TEX26: variants seen among roughly 807,000 people sequenced by gnomAD.
The protein encoded by TEX26 is testis-expressed protein 26.
A neutral mutation model predicts 35.3 loss-of-function variants in TEX26; 34 were observed. The observed-to-expected ratio is 0.96, with a 90% CI of 0.73 to 1.28. TEX26 has a LOEUF of 1.28. Ranked by LOEUF, TEX26 falls within the 50% of genes most tolerant of loss-of-function variation. The pLI, the probability that TEX26 is intolerant of heterozygous loss-of-function variation, is 0.00. For synonymous variants in TEX26, 136 were observed against 111.8 expected, an observed-to-expected ratio of 1.22 and a Z score of -1.36; for missense variants, 371 against 330.1, an observed-to-expected ratio of 1.12 and a Z score of -0.96.
intron 1 of TEX26, among the ~76,000 whole-genome samples, chr13:30,935,607 G>A (rs4941921): frequency 0.22 from 32,893 of 152,174 alleles, 3,726 homozygotes; most frequent in East Asian, 0.44. Flanking sequence ...CTCGACTGCC[G>A]ACAGACAGGA....
intron 5 of TEX26, 34 bp downstream of exon 5, chr13:30,966,432 CTTTT>C (rs10523710): frequency 0.23 from 228,041 of 981,064 alleles, 4,949 homozygotes; most frequent in Admixed American, 0.27. Context: ...TTCTTTTTCT[CTTTT>C]TTTTTTTTTT....
At position 30,945,557 on chromosome 13, in the gene TEX26, T is replaced by C. The variant is rs375784090; in HGVS notation, c.146+5779T>C. On this transcript the variant is annotated intron_variant, in intron 2 of 6. Transcript: ENST00000380473. ...TTGTTTTATAGGTCCTTTCAAGAGG[T>C]TCTATTCTGGTGTATATTGACCTTT... is the stretch of plus-strand genomic sequence containing the variant. Among the ~76,000 whole-genome samples the C allele has an allele frequency of 3.3e-5, 5 of 151,962 alleles. No individual in the cohort carries two copies. The East Asian group carries it at 9.6e-4, about 29-fold the overall frequency.
intron 3 of TEX26, among the ~76,000 whole-genome samples, chr13:30,956,189 C>T (rs1327413156): frequency 4.6e-5 from 6 of 131,424 alleles, no homozygotes; most frequent in South Asian, 2.9e-4. Context: ...CAACAGGCCC[C>T]GGTGTGTGAT....
At chr13:30,958,577 A>C (rs1185694237) in intron 4 of TEX26, among the ~76,000 whole-genome samples, 2 of 152,124 alleles carry the variant, frequency 1.3e-5, no homozygotes, top group Non-Finnish European at 2.9e-5. Flanking sequence ...GGAGAATGAC[A>C]CATCTCTCAA....
At chr13:30,963,227 T>C (rs1954413725) in intron 4 of TEX26, among the ~76,000 whole-genome samples, 1 of 152,154 alleles carries the variant, frequency 6.6e-6, no homozygotes, top group Non-Finnish European at 1.5e-5. Context: ...GTTTCTTTCT[T>C]TGGGCTAAAC....
chr13:30,963,360 T>A (rs772586835), intron 4 of TEX26, among the ~76,000 whole-genome samples: 2 of 152,182 alleles, frequency 1.3e-5, no homozygotes, highest in Admixed American at 6.5e-5. Flanking sequence ...TTTTTGTCCA[T>A]ACTTTAGCAC....
chr13:30,966,151 A>T, intron 4 of TEX26, 71 bp from the exon 5 acceptor site: 4 of 1,542,876 alleles, frequency 2.6e-6, no homozygotes, highest in Non-Finnish European at 3.6e-6. Context: ...ACCTCTAAAC[A>T]CAGCAAGAGT....
chr13:30,935,180 C>T (rs1953225803), intron 1 of TEX26, among the ~76,000 whole-genome samples: 1 of 152,250 alleles, frequency 6.6e-6, no homozygotes, highest in Non-Finnish European at 1.5e-5. Context: ...ACTGCCTGGC[C>T]TCTCTCCACT....
chr13:30,956,206 C>T (rs1954122587), intron 3 of TEX26, among the ~76,000 whole-genome samples: 1 of 141,242 alleles, frequency 7.1e-6, no homozygotes, highest in African/African-American at 2.6e-5. Flanking sequence ...TGATGTTCCC[C>T]TTCCTGTGTC....
At chr13:30,970,367 G>A (rs918780007) in intron 6 of TEX26, among the ~76,000 whole-genome samples, 11 of 152,130 alleles carry the variant, frequency 7.2e-5, no homozygotes, top group African/African-American at 2.7e-4. Context: ...TTGAGATAAA[G>A]GAACATGGAG....
At chr13:30,959,618 GAATT>G (rs1396657260) in intron 4 of TEX26, among the ~76,000 whole-genome samples, 1 of 152,026 alleles carries the variant, frequency 6.6e-6, no homozygotes, top group African/African-American at 2.4e-5. Flanking sequence ...ATTTTTACCA[GAATT>G]AATTGTTTTT....
intron 4 of TEX26, among the ~76,000 whole-genome samples, chr13:30,958,311 C>G (rs1429278412): frequency 6.6e-6 from 1 of 152,222 alleles, no homozygotes; most frequent in Non-Finnish European, 1.5e-5. Context: ...AGGAAATTTA[C>G]TTTATTGAGA....
chr13:30,974,143 T>TAC lies in TEX26; in HGVS notation c.809-702_809-701insCA, dbSNP rs1176115657. Among the ~76,000 whole-genome samples the TAC allele has an allele frequency of 4.7e-4, 64 of 137,264 alleles. No individual in the cohort carries two copies. In the East Asian group the frequency reaches 0.012, roughly 26 times the overall value. 90.1% of individuals were successfully genotyped at this position (137,264 alleles called of 152,430 possible). The stretch of plus-strand genomic sequence containing the variant: ...CTAAAAAAAAAAAAATATATATATA[T>TAC]ATATATATATATAATTAGGAGTAAG... On this transcript the variant is annotated intron_variant, in intron 6 of 6. Transcript: ENST00000380473.
chr13:30,962,277 T>C (rs1161582279), intron 4 of TEX26, among the ~76,000 whole-genome samples: 3 of 152,206 alleles, frequency 2.0e-5, no homozygotes, highest in Admixed American at 2.0e-4. Flanking sequence ...ATGCCTTACA[T>C]GAGTCCTGTA....
intron 2 of TEX26, among the ~76,000 whole-genome samples, chr13:30,947,341 T>A (rs1417810356): frequency 6.6e-6 from 1 of 152,152 alleles, no homozygotes; most frequent in Non-Finnish European, 1.5e-5. Context: ...TTTTTCAATT[T>A]ATAGATTTTA....
intron 2 of TEX26, among the ~76,000 whole-genome samples, chr13:30,949,676 G>T (rs906196922): frequency 5.3e-5 from 8 of 151,846 alleles, no homozygotes; most frequent in Admixed American, 4.6e-4. Context: ...GCAATAAAAT[G>T]TGTAGCTAAA....
At chr13:30,963,612 TTA>T (rs1462430985) in intron 4 of TEX26, among the ~76,000 whole-genome samples, 1 of 152,172 alleles carries the variant, frequency 6.6e-6, no homozygotes, top group African/African-American at 2.4e-5. Flanking sequence ...TCCATAGCAG[TTA>T]TGTTTCCAGG....
At chr13:30,953,171 A>G (rs1023375597) in intron 3 of TEX26, among the ~76,000 whole-genome samples, 3 of 152,152 alleles carry the variant, frequency 2.0e-5, no homozygotes, top group Admixed American at 6.5e-5. Context: ...TCATCCTAGA[A>G]GGAGACCTCA....
intron 2 of TEX26, among the ~76,000 whole-genome samples, chr13:30,941,291 G>T (rs1179747357): frequency 6.6e-6 from 1 of 152,166 alleles, no homozygotes; most frequent in Non-Finnish European, 1.5e-5. Context: ...TGAGTTACTA[G>T]CTATCCCAGT....
Sources: gnomAD v4.1 joint callset for allele counts (sites outside exome capture counted in the v4.1 genomes callset) on GRCh38, gnomAD v4.1.1 for gene constraint, MANE v1.5 for transcripts, NCBI Gene and HGNC (gene_info 2026-07-23, HGNC 2026-07-21) for gene names.